NDST4: variants seen among roughly 807,000 people sequenced by gnomAD.
NDST4 encodes N-heparan sulfate sulfotransferase 4.
A neutral mutation model predicts 100.8 loss-of-function variants in NDST4; 63 were observed. The observed-to-expected ratio is 0.62, with a 90% CI of 0.51 to 0.77. NDST4 has a LOEUF of 0.77. Ranked by LOEUF, NDST4 falls within the 30% of genes least tolerant of loss-of-function variation. The pLI is 0.00. For missense variants in NDST4, 943 were observed against 1,018.4 expected, an observed-to-expected ratio of 0.93 and a Z score of 1.01; for synonymous variants, 377 against 361.8, an observed-to-expected ratio of 1.04 and a Z score of -0.48.
In NDST4 at chr4:114,831,727, G is replaced by A. The variant is rs531756241; in HGVS notation, c.2397-1835C>T. On this transcript the variant is annotated intron_variant, in intron 12 of 13. Coordinates refer to ENST00000264363, the MANE Select transcript of NDST4 (RefSeq NM_022569.3). ...TACCGAAAGTCATTTTTTTTAGATA[G>A]GGTTGTCATAACCTTGAATCTACAT... 7.9e-5 allele frequency among the ~76,000 whole-genome samples: 12 copies of A among 152,202 alleles called. 1 individual carries two copies. The highest frequency in any genetic ancestry group is 7.8e-4 in the Admixed American group (12 of 15,296).
intron 6 of NDST4, among the ~76,000 whole-genome samples, chr4:114,897,092 G>A (rs1001681285): frequency 5.9e-5 from 9 of 152,042 alleles, no homozygotes; most frequent in Non-Finnish European, 1.2e-4. Flanking sequence ...TTATTACCCA[G>A]AGTCCACAGA....
intron 1 of NDST4, among the ~76,000 whole-genome samples, chr4:115,107,825 T>C (rs1241906983): frequency 6.6e-6 from 1 of 152,066 alleles, no homozygotes; most frequent in Non-Finnish European, 1.5e-5. Flanking sequence ...AAAAAAGCTA[T>C]TTTTTTCTGT....
chr4:114,835,386 C>T (rs4345205), intron 11 of NDST4, among the ~76,000 whole-genome samples: 16,557 of 152,142 alleles, frequency 0.11, 949 homozygotes, highest in Middle Eastern at 0.15. Context: ...CCAGTAGTCA[C>T]CCAGGAGCAG....
chr4:114,878,979 C>G (rs1416888081), intron 6 of NDST4, among the ~76,000 whole-genome samples: 1 of 151,898 alleles, frequency 6.6e-6, no homozygotes, highest in Non-Finnish European at 1.5e-5. Context: ...AAATGACTAA[C>G]TTTGATACCT....
chr4:115,092,362 T>C (rs1255553306), intron 1 of NDST4, among the ~76,000 whole-genome samples: 2 of 152,180 alleles, frequency 1.3e-5, no homozygotes, highest in African/African-American at 4.8e-5. Flanking sequence ...TGGAAAACAA[T>C]TATTTGATAT....
At chr4:115,085,074 G>A (rs1489134081) in intron 1 of NDST4, among the ~76,000 whole-genome samples, 1 of 152,194 alleles carries the variant, frequency 6.6e-6, no homozygotes, top group African/African-American at 2.4e-5. Flanking sequence ...CAAGGCCATG[G>A]GAGCCCACCT....
chr4:114,959,630 T>G (rs1360787205), intron 4 of NDST4, among the ~76,000 whole-genome samples: 18 of 152,036 alleles, frequency 1.2e-4, no homozygotes, highest in Non-Finnish European at 1.8e-4. Flanking sequence ...CAAGACAAGA[T>G]TTGGGTAGGG....
At chr4:115,105,279 C>T (rs796493668) in intron 1 of NDST4, among the ~76,000 whole-genome samples, 5 of 152,142 alleles carry the variant, frequency 3.3e-5, no homozygotes, top group African/African-American at 1.2e-4. Context: ...TTATTCATTC[C>T]TCTAATGTTG....
chr4:114,831,099 G>T (rs930954484), intron 12 of NDST4, among the ~76,000 whole-genome samples: 10 of 150,256 alleles, frequency 6.7e-5, no homozygotes, highest in African/African-American at 2.2e-4. Context: ...AGGCCGGACT[G>T]CGGACTGCAG....
At chr4:114,932,479 T>C (rs1306629291) in intron 6 of NDST4, among the ~76,000 whole-genome samples, 1 of 151,654 alleles carries the variant, frequency 6.6e-6, no homozygotes, top group Non-Finnish European at 1.5e-5. Context: ...CAATATAATA[T>C]TAAAAGTTCT....
intron 2 of NDST4, among the ~76,000 whole-genome samples, chr4:115,022,899 C>T (rs1017391389): frequency 6.6e-6 from 1 of 152,182 alleles, no homozygotes; most frequent in African/African-American, 2.4e-5. Context: ...GATTTTGAGG[C>T]CCCCTCAGCC....
chr4:114,995,518 C>A (rs1224412020), intron 2 of NDST4, among the ~76,000 whole-genome samples: 1 of 152,018 alleles, frequency 6.6e-6, no homozygotes, highest in African/African-American at 2.4e-5. Context: ...AAGCATCTGA[C>A]TTAGACATAC....
chr4:114,892,276 G>T (rs1238580809), intron 6 of NDST4, among the ~76,000 whole-genome samples: 2 of 151,916 alleles, frequency 1.3e-5, no homozygotes, highest in Non-Finnish European at 2.9e-5. Context: ...TTTATACTTG[G>T]ATGTATTGTA....
chr4:114,875,426 G>A (rs1209114379), intron 6 of NDST4, among the ~76,000 whole-genome samples: 1 of 152,062 alleles, frequency 6.6e-6, no homozygotes, highest in Non-Finnish European at 1.5e-5. Context: ...CTCAAAATAT[G>A]GGAAGACATT....
At chr4:114,858,881 C>A (rs1337257591) in intron 7 of NDST4, among the ~76,000 whole-genome samples, 1 of 152,178 alleles carries the variant, frequency 6.6e-6, no homozygotes, top group Non-Finnish European at 1.5e-5. Context: ...TCACTTTGGA[C>A]TTTTTGTGCC....
chr4:114,921,741 T>C (rs1029700013), intron 6 of NDST4, among the ~76,000 whole-genome samples: 3 of 152,192 alleles, frequency 2.0e-5, no homozygotes, highest in African/African-American at 7.2e-5. Flanking sequence ...CAAGATTTTC[T>C]GAGTTTGGGT....
chr4:115,050,340 A>T (rs565590110), intron 2 of NDST4, among the ~76,000 whole-genome samples: 1 of 152,108 alleles, frequency 6.6e-6, no homozygotes, highest in Admixed American at 6.6e-5. Context: ...ACAGGTAAGA[A>T]TCTATATAAT....
At chr4:115,074,448 T>C (rs893879342) in intron 2 of NDST4, among the ~76,000 whole-genome samples, 1 of 152,016 alleles carries the variant, frequency 6.6e-6, no homozygotes, top group Non-Finnish European at 1.5e-5. Context: ...TTGTTAAGCC[T>C]ATGATTTCAA....
chr4:115,054,769 A>T (rs1728658025), intron 2 of NDST4, among the ~76,000 whole-genome samples: 3 of 152,150 alleles, frequency 2.0e-5, no homozygotes. Context: ...ATTTCCTTAT[A>T]TGTTAGTATT....
Sources: allele counts gnomAD v4.1 joint callset (sites outside exome capture counted in the v4.1 genomes callset), GRCh38; gene constraint gnomAD v4.1.1; transcripts MANE v1.5; gene names NCBI Gene and HGNC (gene_info 2026-07-23, HGNC 2026-07-21).